Variants in ASIC2 observed in about 807,000 individuals in gnomAD.
The protein encoded by ASIC2 is acid-sensing ion channel 2.
In ASIC2, 25 loss-of-function variants were observed where a neutral mutation model predicts 57.3. The observed-to-expected ratio is 0.44, with a 90% CI of 0.32 to 0.61. The LOEUF is 0.61. ASIC2 is among the 20% of genes least tolerant of loss of function. ASIC2 has a pLI of 0.06. For missense variants in ASIC2, 641 were observed against 738.1 expected (o/e 0.87, Z 1.52); for synonymous variants, 319 against 307.5 (o/e 1.04, Z -0.39).
intron 1 of ASIC2, among the ~76,000 whole-genome samples, chr17:33,996,440 C>A (rs1158861963): frequency 6.6e-6 from 1 of 152,146 alleles, no homozygotes; most frequent in African/African-American, 2.4e-5. Context: ...CCAACACCAA[C>A]AAGCTTTTTT....
intron 1 of ASIC2, among the ~76,000 whole-genome samples, chr17:34,013,484 T>C (rs1906843239): frequency 6.6e-6 from 1 of 152,188 alleles, no homozygotes; most frequent in Admixed American, 6.5e-5. Flanking sequence ...TTGTGTCTGT[T>C]TTAACCATCC....
intron 1 of ASIC2, among the ~76,000 whole-genome samples, chr17:33,316,485 G>T (rs539933110): frequency 4.6e-5 from 7 of 152,040 alleles, no homozygotes; most frequent in African/African-American, 1.4e-4. Context: ...ATGAGGTTTC[G>T]CCATGTTGGC....
chr17:33,523,589 T>C (rs1260418599), intron 1 of ASIC2, among the ~76,000 whole-genome samples: 2 of 152,138 alleles, frequency 1.3e-5, no homozygotes, highest in African/African-American at 2.4e-5. Flanking sequence ...GAGGGTTGCT[T>C]AGAGGTTTAA....
intron 1 of ASIC2, among the ~76,000 whole-genome samples, chr17:34,131,092 G>A (rs1911940859): frequency 6.6e-6 from 1 of 150,738 alleles, no homozygotes; most frequent in East Asian, 1.9e-4. Flanking sequence ...GAACAAAGCT[G>A]AGGGGCCAGT....
intron 1 of ASIC2, among the ~76,000 whole-genome samples, chr17:34,129,256 T>C (rs1911882611): frequency 2.0e-5 from 3 of 152,130 alleles, no homozygotes; most frequent in Non-Finnish European, 2.9e-5. Context: ...CGTACAGGTG[T>C]GGAAACTGGC....
At chr17:33,082,148 G>A (rs991154013) in intron 3 of ASIC2, among the ~76,000 whole-genome samples, 1 of 152,000 alleles carries the variant, frequency 6.6e-6, no homozygotes, top group Non-Finnish European at 1.5e-5. Context: ...TTCAACCCTG[G>A]CTCCCCAAGG....
chr17:33,328,752 T>A (rs983121874), intron 1 of ASIC2, among the ~76,000 whole-genome samples: 1 of 152,194 alleles, frequency 6.6e-6, no homozygotes, highest in Admixed American at 6.5e-5. Flanking sequence ...AACCCTCGTC[T>A]CCATTTTATC....
At chr17:33,847,475 C>G (rs1231268247) in intron 1 of ASIC2, among the ~76,000 whole-genome samples, 2 of 152,152 alleles carry the variant, frequency 1.3e-5, no homozygotes. Context: ...AGCAACTAAT[C>G]TCCAGGCTCT....
At chr17:33,729,851 A>G (rs1909684178) in intron 1 of ASIC2, among the ~76,000 whole-genome samples, 1 of 152,322 alleles carries the variant, frequency 6.6e-6, no homozygotes, top group South Asian at 2.1e-4. Context: ...CTGAGACTCA[A>G]TGAAGTTAAG....
At chr17:33,910,693 A>G (rs1477720474) in intron 1 of ASIC2, among the ~76,000 whole-genome samples, 2 of 152,194 alleles carry the variant, frequency 1.3e-5, no homozygotes, top group Non-Finnish European at 2.9e-5. Context: ...GACACAGAGC[A>G]GGCACTCAAT....
chr17:33,190,113 A>T (rs973923608), intron 1 of ASIC2, among the ~76,000 whole-genome samples: 1 of 152,330 alleles, frequency 6.6e-6, no homozygotes, highest in Non-Finnish European at 1.5e-5. Flanking sequence ...TTTCACAGAT[A>T]AAATAATCAT....
chr17:33,358,013 T>G (rs1597697566), intron 1 of ASIC2, among the ~76,000 whole-genome samples: 1 of 152,184 alleles, frequency 6.6e-6, no homozygotes, highest in East Asian at 1.9e-4. Flanking sequence ...GTATCCCAGG[T>G]AGTTGTTATG....
chr17:33,342,222 G>A (rs1386840828), intron 1 of ASIC2, among the ~76,000 whole-genome samples: 2 of 152,176 alleles, frequency 1.3e-5, no homozygotes, highest in Non-Finnish European at 2.9e-5. Flanking sequence ...TCATAAGGAA[G>A]TTAGCAAAGG....
intron 1 of ASIC2, among the ~76,000 whole-genome samples, chr17:33,540,783 C>G (rs982634675): frequency 2.0e-5 from 3 of 152,184 alleles, no homozygotes; most frequent in Non-Finnish European, 4.4e-5. Context: ...GAGATCAGCA[C>G]ACAGGACACG....
intron 1 of ASIC2, chr17:34,069,297 T>TCTCC (rs1555590306): frequency 8.2e-6 from 1 of 121,814 alleles, no homozygotes; most frequent in Non-Finnish European, 1.8e-5. Flanking sequence ...TTTCTTTCCT[T>TCTCC]CTTCCTTCCT....
At chr17:33,326,497 C>T (rs1222597113) in intron 1 of ASIC2, among the ~76,000 whole-genome samples, 1 of 152,164 alleles carries the variant, frequency 6.6e-6, no homozygotes, top group Admixed American at 6.5e-5. Flanking sequence ...ATAATATCTG[C>T]CTCCATGGTT....
intron 1 of ASIC2, among the ~76,000 whole-genome samples, chr17:33,325,912 C>T (rs1907060072): frequency 6.6e-6 from 1 of 152,136 alleles, no homozygotes; most frequent in Admixed American, 6.5e-5. Context: ...GGTAACATCA[C>T]TACTGAGATC....
intron 1 of ASIC2, among the ~76,000 whole-genome samples, chr17:33,436,277 T>A (rs1289285191): frequency 3.3e-5 from 5 of 152,242 alleles, no homozygotes; most frequent in African/African-American, 1.2e-4. Flanking sequence ...GGATTCTGAA[T>A]TAGGGGCCTG....
At chr17:33,591,259 A>G (rs868020444) in intron 1 of ASIC2, among the ~76,000 whole-genome samples, 1 of 152,170 alleles carries the variant, frequency 6.6e-6, no homozygotes, top group South Asian at 2.1e-4. Flanking sequence ...ATATGATAAG[A>G]TTCGGAATTG....
Sources: gnomAD v4.1 joint callset for allele counts (sites outside exome capture counted in the v4.1 genomes callset) on GRCh38, gnomAD v4.1.1 for gene constraint, MANE v1.5 for transcripts, NCBI Gene and HGNC (gene_info 2026-07-23, HGNC 2026-07-21) for gene names.